GABRG3: variants seen among roughly 807,000 people sequenced by gnomAD.
GABRG3 encodes the protein gamma-aminobutyric acid receptor subunit gamma-3.
Under a neutral mutation model 48.8 loss-of-function variants are expected in GABRG3, and 25 were observed. The ratio of observed to expected loss-of-function variants is 0.51; its 90% CI spans 0.37 to 0.72. The LOEUF (loss-of-function observed/expected upper bound fraction) is 0.72. Among genes scored for constraint, GABRG3 ranks in the 30% least tolerant of loss-of-function variants. The probability of loss-of-function intolerance (pLI) is 0.00; values close to 1 mark genes in which losing one functional copy is unlikely to be tolerated. For synonymous variants in GABRG3, 227 were observed against 217.6 expected, an observed-to-expected ratio of 1.04 and a Z score of -0.38; for missense variants, 394 against 577.9, an observed-to-expected ratio of 0.68 and a Z score of 3.26.
At chr15:27,209,615 CTGGGCTGTGCCCAGGTGGG>C (rs894869194) in intron 3 of GABRG3, among the ~76,000 whole-genome samples, 6 of 152,198 alleles carry the variant, frequency 3.9e-5, no homozygotes, top group Non-Finnish European at 8.8e-5. Flanking sequence ...CCCTTGGGTG[CTGGGCTGTGCCCAGGTGGG>C]TGGGCCTCCC....
Position 26,971,597 on chromosome 15 carries a change from C to A in GABRG3, c.53+9C>A. 1 of 1,526,724 alleles carries A rather than the reference C, an allele frequency of 6.5e-7. No homozygotes were observed. The highest frequency in any genetic ancestry group is 1.2e-5 in the South Asian group (1 of 81,662). The allele number at this position is 1,526,724 out of a possible 1,614,324, so 94.6% of individuals were successfully genotyped here. A position where few individuals can be genotyped will look rare whatever the true frequency, so the allele number is the denominator to read the frequency against. On this transcript the variant is annotated intron_variant, in intron 1 of 9. Coordinates refer to ENST00000615808, the MANE Select transcript of GABRG3 (RefSeq NM_033223.5). ...TCGGGCTTGCACGCGCGGTAAGTGG[C>A]GCGGGGGCCGCATCCCCGGAGGCCC...
rs1016407379 is a variant in GABRG3, at chr15:26,976,758, G to T, written c.54-244G>T. 6.6e-6 allele frequency among the ~76,000 whole-genome samples: 1 copy of T among 152,178 alleles called. No homozygotes were observed. The highest frequency in any genetic ancestry group is 1.5e-5 in the Non-Finnish European group (1 of 68,040). On this transcript the variant is annotated intron_variant, in intron 1 of 9. Transcript: ENST00000615808. The surrounding 1 kb of genome is among the most constrained non-coding windows in gnomAD (Gnocchi z 7.8). ...TGTCTGTAGTTTAACTGGGATGGGG[G>T]ATGGTCTTCTGGCATTTAATAAAAA...
intron 3 of GABRG3, among the ~76,000 whole-genome samples, chr15:27,039,289 G>A (rs139010644): frequency 6.6e-6 from 1 of 152,338 alleles, no homozygotes; most frequent in African/African-American, 2.4e-5. Context: ...CTAAAGACTG[G>A]CCAAGCACAG....
In GABRG3 at chr15:27,113,897, C is replaced by T. The variant is rs11634172; in HGVS notation, c.270+87076C>T. ...CAAATACTTGAGTCTTTCCCCTTTACTTACTAGTTTGAGTGATGCTAGGGA... is the reference window on the plus strand; with the variant it reads ...CAAATACTTGAGTCTTTCCCCTTTATTTACTAGTTTGAGTGATGCTAGGGA... On this transcript the variant is annotated intron_variant, in intron 3 of 9. Coordinates refer to ENST00000615808, the MANE Select transcript of GABRG3 (RefSeq NM_033223.5). Among the ~76,000 whole-genome samples, 1,232 of 152,274 alleles carry T rather than the reference C, an allele frequency of 8.1e-3. 11 individuals carry two copies. Among genetic ancestry groups the T allele is most frequent in the Middle Eastern group, 0.037 (11 of 294 alleles).
intron 2 of GABRG3, among the ~76,000 whole-genome samples, chr15:27,003,265 C>A (rs1353566597): frequency 7.1e-6 from 1 of 141,120 alleles, no homozygotes; most frequent in Non-Finnish European, 1.5e-5. Context: ...GGGTGTTTCT[C>A]GCAGAGGGGG....
chr15:27,037,679 A>T (rs1896202847), intron 3 of GABRG3, among the ~76,000 whole-genome samples: 1 of 152,154 alleles, frequency 6.6e-6, no homozygotes, highest in Non-Finnish European at 1.5e-5. Context: ...GGCCCATTGG[A>T]TGAGGGCAAA....
chr15:27,280,863 C>CT (rs1347680216), intron 3 of GABRG3, among the ~76,000 whole-genome samples: 1 of 152,078 alleles, frequency 6.6e-6, no homozygotes, highest in Non-Finnish European at 1.5e-5. Flanking sequence ...TTGTCTAACC[C>CT]TTTTATATTC....
intron 6 of GABRG3, among the ~76,000 whole-genome samples, chr15:27,516,402 T>G (rs897879993): frequency 3.3e-5 from 5 of 152,164 alleles, no homozygotes; most frequent in African/African-American, 1.2e-4. Context: ...CAAGCCAGAT[T>G]ACCTCTGTTA....
intron 5 of GABRG3, among the ~76,000 whole-genome samples, chr15:27,411,891 C>T (rs1887808921): frequency 6.6e-6 from 1 of 152,118 alleles, no homozygotes; most frequent in African/African-American, 2.4e-5. Flanking sequence ...CATTTTAGAT[C>T]AATTGTGAAT....
At chr15:27,099,714 A>T (rs908857842) in intron 3 of GABRG3, among the ~76,000 whole-genome samples, 14 of 38,082 alleles carry the variant, frequency 3.7e-4, no homozygotes, top group African/African-American at 2.1e-3. Context: ...ATTATGAATA[A>T]AAAAAAAATC....
intron 3 of GABRG3, among the ~76,000 whole-genome samples, chr15:27,136,667 A>G (rs1240420430): frequency 6.6e-6 from 1 of 152,184 alleles, no homozygotes; most frequent in Non-Finnish European, 1.5e-5. Flanking sequence ...TTTTTTAAGA[A>G]TAAAAAATAG....
At chr15:27,350,250 C>G (rs978519989) in intron 5 of GABRG3, 1 of 449,370 alleles carries the variant, frequency 2.2e-6, no homozygotes. Context: ...GAAATGAAGG[C>G]TCAGAGAGGT....
chr15:27,506,155 T>A (rs1046180855), intron 6 of GABRG3, among the ~76,000 whole-genome samples: 2 of 152,228 alleles, frequency 1.3e-5, no homozygotes, highest in African/African-American at 4.8e-5. Context: ...TAGAGGTTTA[T>A]CAGTTGCAAT....
intron 6 of GABRG3, among the ~76,000 whole-genome samples, chr15:27,502,418 A>G (rs1389916981): frequency 6.6e-6 from 1 of 152,216 alleles, no homozygotes; most frequent in Non-Finnish European, 1.5e-5. Flanking sequence ...AAAGTGCTTT[A>G]TCCTATTCCC....
At chr15:27,207,631 C>T (rs1595585851) in intron 3 of GABRG3, among the ~76,000 whole-genome samples, 1 of 152,168 alleles carries the variant, frequency 6.6e-6, no homozygotes, top group Non-Finnish European at 1.5e-5. Flanking sequence ...CTGCACAGCA[C>T]GTGGAAACTG....
chr15:27,069,628 G>A (rs984059920), intron 3 of GABRG3, among the ~76,000 whole-genome samples: 7 of 152,140 alleles, frequency 4.6e-5, no homozygotes, highest in East Asian at 3.9e-4. Flanking sequence ...GTTAACTGCC[G>A]TTATTATAAG....
intron 5 of GABRG3, among the ~76,000 whole-genome samples, chr15:27,368,073 C>T (rs1037215243): frequency 5.9e-5 from 9 of 152,132 alleles, no homozygotes; most frequent in African/African-American, 9.7e-5. Context: ...AGGAATGGGA[C>T]GGGAAAGCAC....
chr15:27,221,083 G>A (rs1889439053), intron 3 of GABRG3, among the ~76,000 whole-genome samples: 1 of 151,944 alleles, frequency 6.6e-6, no homozygotes, highest in African/African-American at 2.4e-5. Flanking sequence ...AAGCTTATAG[G>A]ATTAATTAAG....
chr15:26,979,200 T>C (rs571311070), intron 2 of GABRG3, among the ~76,000 whole-genome samples: 2 of 152,364 alleles, frequency 1.3e-5, no homozygotes, highest in South Asian at 2.1e-4. Flanking sequence ...GCTGAACTTA[T>C]TAGTTATAGA....
Sources: allele counts gnomAD v4.1 joint callset (sites outside exome capture counted in the v4.1 genomes callset), GRCh38; gene constraint gnomAD v4.1.1; non-coding constraint Gnocchi (gnomAD v3.1); transcripts MANE v1.5; gene names NCBI Gene and HGNC (gene_info 2026-07-23, HGNC 2026-07-21).